The following PIP5K1B variants were observed in gnomAD, a reference collection of about 807,000 sequenced individuals.
PIP5K1B encodes the protein phosphatidylinositol 4-phosphate 5-kinase type-1 beta.
A neutral mutation model predicts 67.0 loss-of-function variants in PIP5K1B; 42 were observed. The ratio of observed to expected loss-of-function variants is 0.63; its 90% CI spans 0.49 to 0.81. The LOEUF (loss-of-function observed/expected upper bound fraction) is 0.81, where lower values mean the gene tolerates loss of function less well. Ranked by LOEUF, PIP5K1B falls within the 30% of genes least tolerant of loss-of-function variation. The pLI is 0.00. For synonymous variants in PIP5K1B, 214 were observed against 231.4 expected, an observed-to-expected ratio of 0.92 and a Z score of 0.68; for missense variants, 459 against 646.3, an observed-to-expected ratio of 0.71 and a Z score of 3.14.
chr9:68,962,843 A>G (rs1337241343), intron 14 of PIP5K1B, among the ~76,000 whole-genome samples: 2 of 152,240 alleles, frequency 1.3e-5, no homozygotes, highest in African/African-American at 4.8e-5. Context: ...ATATATTGAC[A>G]ACTTCAAGGC....
intron 11 of PIP5K1B, among the ~76,000 whole-genome samples, chr9:68,922,387 CG>C (rs1371917927): frequency 6.7e-6 from 1 of 149,996 alleles, no homozygotes; most frequent in Non-Finnish European, 1.5e-5. Flanking sequence ...CACTTGAATC[CG>C]GGAGGCGGAG....
chr9:68,762,899 C>T (rs984078157), intron 2 of PIP5K1B, among the ~76,000 whole-genome samples: 3 of 152,094 alleles, frequency 2.0e-5, no homozygotes, highest in African/African-American at 7.2e-5. Flanking sequence ...TTTCCTCACT[C>T]TGTAGTCTAT....
rs962773064 is a variant in PIP5K1B at position 68,705,620 on chromosome 9, GCCCTCCCGCCCCTCCCGC to G, written c.-370_-353del. 8.7e-3 allele frequency: 110 copies of G among 12,712 alleles called. No homozygotes were observed. The highest frequency in any genetic ancestry group is 0.022 in the African/African-American group (82 of 3,768). The allele number at this position is 12,712 out of a possible 1,614,324, so 0.8% of individuals were successfully genotyped here. On this transcript the variant is annotated 5_prime_UTR_variant, in exon 1 of 16. Coordinates refer to ENST00000265382, the MANE Select transcript of PIP5K1B (RefSeq NM_003558.4). ...CCCGGCCCCGCCCGCCGCCCCCTCCGCCCTCCCGCCCCTCCCGCCCCTCCCGCCCCTCGCCTGCACTGC... is the reference window on the plus strand; with the variant it reads ...CCCGGCCCCGCCCGCCGCCCCCTCCGCCCTCCCGCCCCTCGCCTGCACTGC...
intron 4 of PIP5K1B, among the ~76,000 whole-genome samples, chr9:68,828,690 A>G (rs1369165771): frequency 6.6e-6 from 1 of 152,242 alleles, no homozygotes; most frequent in African/African-American, 2.4e-5. Flanking sequence ...AGGGTCTTTT[A>G]TAAAATGTTT....
chr9:68,998,176 C>T (rs1295993686), intron 15 of PIP5K1B, among the ~76,000 whole-genome samples: 1 of 151,452 alleles, frequency 6.6e-6, no homozygotes, highest in Non-Finnish European at 1.5e-5. Flanking sequence ...ATTCTAGTGA[C>T]TCTCCTGCCT....
chr9:68,862,672 G>A (rs1348426476), intron 4 of PIP5K1B, among the ~76,000 whole-genome samples: 2 of 151,924 alleles, frequency 1.3e-5, no homozygotes, highest in Non-Finnish European at 2.9e-5. Flanking sequence ...CATGCCTGTA[G>A]TCCCAGCTAC....
At position 68,739,244 on chromosome 9, in the gene PIP5K1B, T is replaced by C. The variant is rs1184121881; in HGVS notation, c.-242-3257T>C. On this transcript the variant is annotated intron_variant, in intron 1 of 15. Coordinates refer to ENST00000265382, the MANE Select transcript of PIP5K1B (RefSeq NM_003558.4). Reference sequence around the variant, plus strand: ...TATTTCATGTGCCTCGATTTACTCTTGCATAGTCTGATTTTCCCCTCTTAT... The same window carrying C: ...TATTTCATGTGCCTCGATTTACTCTCGCATAGTCTGATTTTCCCCTCTTAT... Among the ~76,000 whole-genome samples the C allele has an allele frequency of 2.0e-5, 3 of 152,254 alleles. No individual in the cohort carries two copies. The East Asian group carries it at 5.8e-4, about 29-fold the overall frequency.
chr9:68,720,751 A>C (rs1827843863), intron 1 of PIP5K1B, among the ~76,000 whole-genome samples: 1 of 151,388 alleles, frequency 6.6e-6, no homozygotes, highest in South Asian at 2.1e-4. Flanking sequence ...AATAACTTCC[A>C]TACCTCCCTA....
At chr9:68,727,052 C>T (rs1350992186) in intron 1 of PIP5K1B, among the ~76,000 whole-genome samples, 1 of 151,696 alleles carries the variant, frequency 6.6e-6, no homozygotes, top group African/African-American at 2.4e-5. Context: ...ATAGTTTTAC[C>T]TCAGAACAGG....
intron 4 of PIP5K1B, among the ~76,000 whole-genome samples, chr9:68,836,192 A>G (rs1383120426): frequency 6.6e-6 from 1 of 152,330 alleles, no homozygotes; most frequent in South Asian, 2.1e-4. Context: ...CACAATCAGC[A>G]TAGTCCCTCG....
At chr9:68,993,646 G>A (rs1830476374) in intron 15 of PIP5K1B, among the ~76,000 whole-genome samples, 1 of 152,090 alleles carries the variant, frequency 6.6e-6, no homozygotes, top group Non-Finnish European at 1.5e-5. Flanking sequence ...GAATTAAATA[G>A]GGAAAAAAAT....
At chr9:69,007,763 A>G (rs551949488) in intron 15 of PIP5K1B, among the ~76,000 whole-genome samples, 7 of 152,110 alleles carry the variant, frequency 4.6e-5, no homozygotes, top group Non-Finnish European at 8.8e-5. Context: ...AGGCTGAGGC[A>G]GGAGAATCTC....
intron 4 of PIP5K1B, among the ~76,000 whole-genome samples, chr9:68,863,171 C>T (rs978959928): frequency 1.3e-5 from 2 of 152,124 alleles, no homozygotes; most frequent in African/African-American, 2.4e-5. Context: ...AATGCCACCA[C>T]CTCCAGTTGT....
At chr9:68,942,712 G>A (rs1827625804) in intron 14 of PIP5K1B, among the ~76,000 whole-genome samples, 1 of 152,140 alleles carries the variant, frequency 6.6e-6, no homozygotes, top group African/African-American at 2.4e-5. Flanking sequence ...AAAATAAAAA[G>A]TTATCTATGA....
intron 2 of PIP5K1B, chr9:68,789,218 T>C (rs140309608): frequency 2.0e-6 from 1 of 508,430 alleles, no homozygotes; most frequent in African/African-American, 2.0e-5. Flanking sequence ...TGGTGCTTCC[T>C]GTGATGGTGT....
In PIP5K1B at chr9:68,836,380, C is replaced by A. The variant is rs530553041; in HGVS notation, c.69+13697C>A. On this transcript the variant is annotated intron_variant, in intron 4 of 15. Coordinates refer to ENST00000265382, the MANE Select transcript of PIP5K1B (RefSeq NM_003558.4). ...TTGTAAATACAAAAGAGATTTAAAGCGGTAAAGTTTCATTTGAGAACAAAA... is the reference window on the plus strand; with the variant it reads ...TTGTAAATACAAAAGAGATTTAAAGAGGTAAAGTTTCATTTGAGAACAAAA... Among the ~76,000 whole-genome samples, 13 of 152,146 alleles carry A rather than the reference C, an allele frequency of 8.5e-5. No individual in the cohort carries two copies. In the South Asian group the frequency reaches 2.7e-3, roughly 32 times the overall value.
intron 2 of PIP5K1B, among the ~76,000 whole-genome samples, chr9:68,805,213 C>T (rs572990830): frequency 2.6e-5 from 4 of 152,260 alleles, no homozygotes; most frequent in Non-Finnish European, 4.4e-5. Context: ...GCATGTGGGG[C>T]GCAGGGGGCC....
Position 68,876,677 on chromosome 9 carries a change from C to A in PIP5K1B, c.201C>A (p.Ser67Arg). The A allele has an allele frequency of 1.3e-6, 2 of 1,529,302 alleles. No individual in the cohort carries two copies. The highest frequency in any genetic ancestry group is 1.8e-6 in the Non-Finnish European group (2 of 1,103,198). The allele number at this position is 1,529,302 out of a possible 1,614,324, so 94.7% of individuals were successfully genotyped here. A position where few individuals can be genotyped will look rare whatever the true frequency, so the allele number is the denominator to read the frequency against. ...FYVVESVFLP[S>R]EGSNLTPAHH... is the part of the protein sequence containing the mutation. The stretch of plus-strand genomic sequence containing the variant: ...TCTCTTTTTAATATTTTGACTTCAG[C>A]GAAGGGAGCAATCTGACCCCAGCAC... Residue 67 changes from serine (S) to arginine (R), a missense_variant and splice_region_variant, in exon 6 of 16, where the codon AGC becomes AGA. Physicochemically the swap from Ser to Arg is moderately radical, Grantham distance 110. Coordinates refer to ENST00000265382, the MANE Select transcript of PIP5K1B (RefSeq NM_003558.4).
intron 2 of PIP5K1B, among the ~76,000 whole-genome samples, chr9:68,767,902 ACTTT>A (rs972958555): frequency 2.0e-5 from 3 of 152,130 alleles, no homozygotes; most frequent in Non-Finnish European, 4.4e-5. Context: ...ACTAAAATGA[ACTTT>A]TAAAGGAATA....
Sources: gnomAD v4.1 joint callset for allele counts (sites outside exome capture counted in the v4.1 genomes callset) on GRCh38, gnomAD v4.1.1 for gene constraint, MANE v1.5 for transcripts, NCBI Gene and HGNC (gene_info 2026-07-23, HGNC 2026-07-21) for gene names.